The following STAU2 variants were observed in gnomAD, a reference collection of about 807,000 sequenced individuals.
STAU2 encodes double-stranded RNA-binding protein Staufen homolog 2.
Under a neutral mutation model 65.9 loss-of-function variants are expected in STAU2, and 20 were observed. That is an observed-to-expected ratio of 0.30 (90% CI 0.21 to 0.44). STAU2 has a LOEUF of 0.44. STAU2 is among the 20% of genes least tolerant of loss of function. The probability of loss-of-function intolerance (pLI) is 1.00; values close to 1 mark genes in which losing one functional copy is unlikely to be tolerated. For synonymous variants in STAU2, 232 were observed against 233.9 expected (o/e 0.99, Z 0.07); for missense variants, 558 against 683.9 (o/e 0.82, Z 2.05).
intron 6 of STAU2, chr8:73,653,988 G>T: frequency 3.7e-6 from 1 of 273,618 alleles, no homozygotes; most frequent in Non-Finnish European, 7.3e-6. Flanking sequence ...AGAGGGAAGG[G>T]GAGGGAAAAA....
At chr8:73,539,039 A>G (rs889921474) in intron 13 of STAU2, among the ~76,000 whole-genome samples, 6 of 152,194 alleles carry the variant, frequency 3.9e-5, no homozygotes, top group Non-Finnish European at 8.8e-5. Flanking sequence ...AATTTGATGG[A>G]GAGTCAGGAG....
chr8:73,716,336 C>T (rs1480875734), intron 3 of STAU2, among the ~76,000 whole-genome samples: 1 of 152,150 alleles, frequency 6.6e-6, no homozygotes, highest in Non-Finnish European at 1.5e-5. Context: ...GTGATCCACC[C>T]GCCTCGGCCT....
chr8:73,469,546 G>A (rs938732897), intron 13 of STAU2, among the ~76,000 whole-genome samples: 1 of 151,892 alleles, frequency 6.6e-6, no homozygotes, highest in African/African-American at 2.4e-5. Context: ...GGACAGATGT[G>A]GTAGGAGGCC....
intron 3 of STAU2, 74 bp downstream of exon 3, chr8:73,738,210 G>T: frequency 1.5e-6 from 2 of 1,320,638 alleles, no homozygotes; most frequent in Non-Finnish European, 2.2e-6. Flanking sequence ...GAAAAGAAAA[G>T]CTGAGTTAAA....
At chr8:73,673,489 A>G (rs921959787) in intron 5 of STAU2, among the ~76,000 whole-genome samples, 1 of 152,156 alleles carries the variant, frequency 6.6e-6, no homozygotes, top group Non-Finnish European at 1.5e-5. Context: ...AATCATTACT[A>G]TCAAAACATA....
At chr8:73,611,909 T>C (rs1812497172) in intron 9 of STAU2, among the ~76,000 whole-genome samples, 1 of 152,160 alleles carries the variant, frequency 6.6e-6, no homozygotes, top group South Asian at 2.1e-4. Flanking sequence ...CTCGAACTCC[T>C]AGCCTCAAAT....
intron 3 of STAU2, chr8:73,727,763 CTA>C (rs1805753659): frequency 6.6e-6 from 1 of 152,186 alleles, no homozygotes; most frequent in Admixed American, 6.5e-5. Flanking sequence ...TATGACAAGT[CTA>C]TGTGTTCCTT....
chr8:73,579,988 A>G (rs1231259651), intron 12 of STAU2, among the ~76,000 whole-genome samples: 1 of 152,198 alleles, frequency 6.6e-6, no homozygotes, highest in South Asian at 2.1e-4. Context: ...GCACATGTAC[A>G]TTAATGTTTT....
chr8:73,445,241 A>G (rs998444645), intron 13 of STAU2, among the ~76,000 whole-genome samples: 7 of 152,154 alleles, frequency 4.6e-5, no homozygotes, highest in Non-Finnish European at 8.8e-5. Context: ...GGGACCAGAG[A>G]GGAAGGGGTT....
At chr8:73,483,872 A>G (rs1216374144) in intron 13 of STAU2, among the ~76,000 whole-genome samples, 2 of 152,158 alleles carry the variant, frequency 1.3e-5, no homozygotes, top group Admixed American at 6.5e-5. Flanking sequence ...ACATAGTGCT[A>G]TATTTGGTAT....
At chr8:73,551,625 T>G (rs555784430) in intron 13 of STAU2, 4 of 992,608 alleles carry the variant, frequency 4.0e-6, no homozygotes, top group Non-Finnish European at 4.8e-6. Context: ...TCAATCCTTA[T>G]GTAAAAAAAG....
chr8:73,578,985 C>T (rs1809784673), intron 12 of STAU2, among the ~76,000 whole-genome samples: 1 of 144,508 alleles, frequency 6.9e-6, no homozygotes, highest in African/African-American at 2.6e-5. Flanking sequence ...CCACCCCTAC[C>T]CACCCCCCCA....
At chr8:73,482,352 A>AG (rs11370968) in intron 13 of STAU2, among the ~76,000 whole-genome samples, 3 of 151,614 alleles carry the variant, frequency 2.0e-5, no homozygotes, top group Non-Finnish European at 4.4e-5. Flanking sequence ...TTAAAAAAAA[A>AG]CTGTCTTTTT....
intron 4 of STAU2, among the ~76,000 whole-genome samples, chr8:73,693,346 G>T (rs961064475): frequency 2.0e-5 from 3 of 151,850 alleles, no homozygotes; most frequent in African/African-American, 7.3e-5. Context: ...GTGGTAGCAG[G>T]TGCCTGTAGT....
At chr8:73,746,700 C>T (rs1265502995) in intron 1 of STAU2, 83 bp downstream of exon 1, 2 of 859,256 alleles carry the variant, frequency 2.3e-6, no homozygotes, top group South Asian at 5.8e-5. Context: ...TGCGGAACTG[C>T]AGGGCTCCCC....
chr8:73,433,132 G>A (rs1393515412), intron 13 of STAU2, among the ~76,000 whole-genome samples: 2 of 152,132 alleles, frequency 1.3e-5, no homozygotes, highest in African/African-American at 2.4e-5. Flanking sequence ...CAGAGTCCTC[G>A]CTACTAGGCC....
At chr8:73,564,193 C>T (rs552252398) in intron 12 of STAU2, among the ~76,000 whole-genome samples, 4 of 152,142 alleles carry the variant, frequency 2.6e-5, no homozygotes, top group Admixed American at 1.3e-4. Flanking sequence ...TTTTGTCTTG[C>T]TTCACTTGGA....
At chr8:73,427,066 T>C (rs1816880039) in intron 13 of STAU2, among the ~76,000 whole-genome samples, 1 of 151,804 alleles carries the variant, frequency 6.6e-6, no homozygotes, top group African/African-American at 2.4e-5. Flanking sequence ...GTAGCTGGGA[T>C]TACAGGCATG....
At chr8:73,697,727 T>C (rs1586296133) in intron 4 of STAU2, among the ~76,000 whole-genome samples, 1 of 152,216 alleles carries the variant, frequency 6.6e-6, no homozygotes, top group African/African-American at 2.4e-5. Flanking sequence ...ACTTTCTTTT[T>C]GCAAGTTTGT....
Sources: allele counts gnomAD v4.1 joint callset (sites outside exome capture counted in the v4.1 genomes callset), GRCh38; gene constraint gnomAD v4.1.1; transcripts MANE v1.5; gene names NCBI Gene and HGNC (gene_info 2026-07-23, HGNC 2026-07-21).